Variants in PMEPA1 observed in about 807,000 individuals in gnomAD.
The protein encoded by PMEPA1 is protein TMEPAI.
A neutral mutation model predicts 23.0 loss-of-function variants in PMEPA1; 11 were observed. The ratio of observed to expected loss-of-function variants is 0.48; its 90% CI spans 0.30 to 0.79. The LOEUF (loss-of-function observed/expected upper bound fraction) is 0.79, where lower values mean the gene tolerates loss of function less well. Ranked by LOEUF, PMEPA1 falls within the 30% of genes least tolerant of loss-of-function variation. The pLI is 0.06. For missense variants in PMEPA1, 377 were observed against 390.9 expected, an observed-to-expected ratio of 0.96 and a Z score of 0.30; for synonymous variants, 204 against 166.4, an observed-to-expected ratio of 1.23 and a Z score of -1.74.
chr20:57,697,015 G>C (rs1406516572), intron 1 of PMEPA1, among the ~76,000 whole-genome samples: 1 of 152,236 alleles, frequency 6.6e-6, no homozygotes, highest in Non-Finnish European at 1.5e-5. Context: ...CTGAAGTGTG[G>C]GAGTTCCCGC....
At chr20:57,702,608 C>T (rs966155091) in intron 1 of PMEPA1, among the ~76,000 whole-genome samples, 4 of 152,060 alleles carry the variant, frequency 2.6e-5, no homozygotes, top group Admixed American at 6.5e-5. Context: ...CTCAGGAGGT[C>T]GGTGTAGTGG....
chr20:57,655,889 G>A lies in PMEPA1; in HGVS notation c.265-2803C>T, dbSNP rs1292972766. Among the ~76,000 whole-genome samples, 1 of 152,144 alleles carries A rather than the reference G, an allele frequency of 6.6e-6. No homozygotes were observed. The highest frequency in any genetic ancestry group is 1.5e-5 in the Non-Finnish European group (1 of 68,026). On this transcript the variant is annotated intron_variant, in intron 2 of 3. Transcript: ENST00000341744. The surrounding 1 kb of genome is among the most constrained non-coding windows in gnomAD (Gnocchi z 4.2). The stretch of plus-strand genomic sequence containing the variant: ...GGTCTCTGTCATACCACTGAACCCT[G>A]CTGCTACAGCCAAGCGCAGCTATGG...
At chr20:57,710,257 C>G (rs960923633), upstream of PMEPA1, 13 of 587,014 alleles carry the variant, frequency 2.2e-5, no homozygotes, top group African/African-American at 2.5e-4. Flanking sequence ...AACGCCTGCC[C>G]GGCGCACGCC....
At chr20:57,653,816 C>T (rs946143866) in intron 2 of PMEPA1, among the ~76,000 whole-genome samples, 5 of 152,360 alleles carry the variant, frequency 3.3e-5, no homozygotes, top group African/African-American at 9.6e-5. Flanking sequence ...ATCTGAAGGG[C>T]CTCTCCCGTG....
chr20:57,673,730 C>T (rs2071600192), intron 1 of PMEPA1, among the ~76,000 whole-genome samples: 1 of 152,212 alleles, frequency 6.6e-6, no homozygotes, highest in Non-Finnish European at 1.5e-5. Context: ...CCACAGCCAG[C>T]AAAGAGACCC....
rs1425386404 is a variant in PMEPA1, at chr20:57,683,087, C to T, written c.110-23390G>A. Among the ~76,000 whole-genome samples the T allele has an allele frequency of 2.6e-5, 4 of 152,216 alleles. No homozygotes were observed. The highest frequency in any genetic ancestry group is 2.1e-4 in the South Asian group (1 of 4,832). On this transcript the variant is annotated intron_variant, in intron 1 of 3. Transcript: ENST00000341744. This position sits in a 1 kb window ranked among gnomAD's most constrained non-coding sequence, Gnocchi z 4.3. The stretch of plus-strand genomic sequence containing the variant: ...ACGCCGCAGTCTCCGGGGGCATTTA[C>T]GCCACACTTGTCCTTAAGCTCAGAT...
chr20:57,658,098 G>A (rs1278691483), intron 2 of PMEPA1, among the ~76,000 whole-genome samples: 1 of 152,218 alleles, frequency 6.6e-6, no homozygotes, highest in East Asian at 1.9e-4. Context: ...TCAGGCGGCC[G>A]ACATGGAGCC....
chr20:57,651,540 A>AT lies in PMEPA1; in HGVS notation c.*512dup, dbSNP rs1239827587. The AT allele has an allele frequency of 2.0e-5, 3 of 152,254 alleles. No individual in the cohort carries two copies. The highest frequency in any genetic ancestry group is 2.1e-4 in the South Asian group (1 of 4,804). The allele number at this position is 152,254 out of a possible 1,614,324, so 9.4% of individuals were successfully genotyped here. On this transcript the variant is annotated 3_prime_UTR_variant, in exon 4 of 4. Transcript: ENST00000341744. ...TCTGACTTGGCACTCAAAAATTGCC[A>AT]TTTTTTTCCTCTTCTAGTTCAGAAA...
rs749690245 is a variant in PMEPA1, at chr20:57,652,122, G to A, written c.795C>T (p.His265=). Reference sequence around the variant, plus strand: ...TGGCTGCGCTCTCTAGGGGCGCGATGTGTGTGTGGTGGAGCCGGGTCCCCT... The same window carrying A: ...TGGCTGCGCTCTCTAGGGGCGCGATATGTGTGTGGTGGAGCCGGGTCCCCT... ...LLEGTRLHHT[H]IAPLESAAIW... is the part of the protein sequence containing the mutation. The change falls in exon 4 of 4, where the codon CAC becomes CAT. Residue 265 remains histidine, a synonymous_variant. Transcript: ENST00000341744. This position sits in a 1 kb window ranked among gnomAD's most constrained non-coding sequence, Gnocchi z 6.1. 6.3e-7 allele frequency: 1 copy of A among 1,589,760 alleles called. No homozygotes were observed. The highest frequency in any genetic ancestry group is 1.1e-5 in the South Asian group (1 of 88,248).
At chr20:57,694,640 C>A (rs1023534898) in intron 1 of PMEPA1, among the ~76,000 whole-genome samples, 3 of 152,182 alleles carry the variant, frequency 2.0e-5, no homozygotes, top group Admixed American at 1.3e-4. Flanking sequence ...TGACTTCTGC[C>A]CTCTGAGCCT....
At chr20:57,657,586 G>T (rs994027992) in intron 2 of PMEPA1, among the ~76,000 whole-genome samples, 5 of 152,232 alleles carry the variant, frequency 3.3e-5, no homozygotes, top group African/African-American at 1.2e-4. Flanking sequence ...CGGACAGCGT[G>T]CTGGGACGCA....
intron 1 of PMEPA1, among the ~76,000 whole-genome samples, chr20:57,679,340 G>C (rs1263213441): frequency 2.0e-5 from 3 of 152,204 alleles, no homozygotes; most frequent in Non-Finnish European, 4.4e-5. Flanking sequence ...AGCTGCTTTG[G>C]GGCTTGGCAA....
At chr20:57,706,578 C>T (rs1383893515) in intron 1 of PMEPA1, among the ~76,000 whole-genome samples, 2 of 152,154 alleles carry the variant, frequency 1.3e-5, no homozygotes, top group Non-Finnish European at 2.9e-5. Context: ...CTGTTACAGT[C>T]AAGCCCACTC....
intron 1 of PMEPA1, among the ~76,000 whole-genome samples, chr20:57,689,603 G>C (rs964078523): frequency 2.0e-5 from 3 of 152,350 alleles, no homozygotes; most frequent in African/African-American, 2.4e-5. Flanking sequence ...AAAGGAACTA[G>C]TTCAAGGAGA....
At position 57,670,941 on chromosome 20, in the gene PMEPA1, C is replaced by T. The variant is rs570047023; in HGVS notation, c.110-11244G>A. On this transcript the variant is annotated intron_variant, in intron 1 of 3. Coordinates refer to ENST00000341744, the MANE Select transcript of PMEPA1 (RefSeq NM_020182.5). ...ACCCCCAACCAGTGTCCCGAGTCAT[C>T]ACACAGGAGGTGGACCTGGAGGAGG... is the stretch of plus-strand genomic sequence containing the variant. 5.3e-5 allele frequency among the ~76,000 whole-genome samples: 8 copies of T among 152,102 alleles called. 1 individual carries two copies. In the South Asian group the frequency reaches 1.7e-3, roughly 32 times the overall value.
intron 1 of PMEPA1, among the ~76,000 whole-genome samples, chr20:57,670,933 C>T (rs887005735): frequency 2.6e-5 from 4 of 152,094 alleles, no homozygotes; most frequent in Admixed American, 6.6e-5. Context: ...ACCAGTGTCC[C>T]GAGTCATCAC....
chr20:57,709,752 T>TCAGTGCGCGGGACC lies in PMEPA1; in HGVS notation c.-184_-171dup. ...CCAAGTTCCCGGGGCGCCGCGGGGC[T>TCAGTGCGCGGGACC]CAGTGCGCGGGACCGCGCTCCGCTG... On this transcript the variant is annotated 5_prime_UTR_variant, in exon 1 of 4. Transcript: ENST00000341744. The TCAGTGCGCGGGACC allele has an allele frequency of 1.0e-6, 1 of 978,836 alleles. No homozygotes were observed. The highest frequency in any genetic ancestry group is 1.2e-6 in the Non-Finnish European group (1 of 827,214). 60.6% of individuals were successfully genotyped at this position (978,836 alleles called of 1,614,324 possible). A position where few individuals can be genotyped will look rare whatever the true frequency, so the allele number is the denominator to read the frequency against.
chr20:57,709,574 G>T lies in PMEPA1; in HGVS notation c.9C>A (p.Arg3=). 1 of 1,057,898 alleles carries T rather than the reference G, an allele frequency of 9.5e-7. No individual in the cohort carries two copies. Among genetic ancestry groups the T allele is most frequent in the Non-Finnish European group, 1.2e-6 (1 of 864,096 alleles). The allele number at this position is 1,057,898 out of a possible 1,614,324, so 65.5% of individuals were successfully genotyped here. MH[R]LMGVNSTAAA... is the part of the protein sequence containing the mutation. ...CGGCGGTGCTGTTGACCCCCATCAA[G>T]CGGTGCATGGACGGCGCGGCGGCGC... The change falls in exon 1 of 4, where the codon CGC becomes CGA. Residue 3 remains arginine, a synonymous_variant. Transcript: ENST00000341744.
chr20:57,658,868 T>C (rs1181630820), intron 2 of PMEPA1, among the ~76,000 whole-genome samples: 4 of 152,188 alleles, frequency 2.6e-5, no homozygotes, highest in African/African-American at 7.2e-5. Flanking sequence ...GCAGGCACCT[T>C]TCCCACCACT....
Sources: allele counts gnomAD v4.1 joint callset (sites outside exome capture counted in the v4.1 genomes callset), GRCh38; gene constraint gnomAD v4.1.1; non-coding constraint Gnocchi (gnomAD v3.1); transcripts MANE v1.5; gene names NCBI Gene and HGNC (gene_info 2026-07-23, HGNC 2026-07-21).